Variants in AUTS2 observed in about 807,000 individuals in gnomAD.
AUTS2 encodes the protein autism susceptibility gene 2 protein.
Under a neutral mutation model 112.4 loss-of-function variants are expected in AUTS2, and 17 were observed. The ratio of observed to expected loss-of-function variants is 0.15; its 90% CI spans 0.10 to 0.23. The LOEUF is 0.23. AUTS2 is among the 10% of genes least tolerant of loss of function. AUTS2 has a pLI of 1.00. For missense variants in AUTS2, 1,510 were observed against 1,701.6 expected (o/e 0.89, Z 1.98); for synonymous variants, 751 against 702.7 (o/e 1.07, Z -1.09).
intron 1 of AUTS2, among the ~76,000 whole-genome samples, chr7:69,870,448 A>AATATATATATATATATATATATAT (rs11467258): frequency 0.12 from 9,046 of 77,794 alleles, 1,288 homozygotes; most frequent in Middle Eastern, 0.16. Flanking sequence ...ATGTGTGTGT[A>AATATATATATATATATATATATAT]ATATATATAT....
intron 4 of AUTS2, among the ~76,000 whole-genome samples, chr7:70,249,945 T>G (rs892801316): frequency 3.3e-5 from 5 of 150,154 alleles, no homozygotes; most frequent in African/African-American, 1.2e-4. Context: ...ATTTTTTACT[T>G]AAAACATTAA....
intron 5 of AUTS2, among the ~76,000 whole-genome samples, chr7:70,512,140 T>C (rs1404002614): frequency 6.6e-6 from 1 of 152,172 alleles, no homozygotes; most frequent in African/African-American, 2.4e-5. Context: ...CACGTTGATC[T>C]CAGCTAGGGA....
At chr7:69,816,778 G>A (rs1790781542) in intron 1 of AUTS2, among the ~76,000 whole-genome samples, 3 of 152,168 alleles carry the variant, frequency 2.0e-5, no homozygotes, top group Admixed American at 6.5e-5. Flanking sequence ...TCCAGTAATT[G>A]ACAGAGCCAA....
intron 5 of AUTS2, among the ~76,000 whole-genome samples, chr7:70,661,109 G>A (rs899739939): frequency 3.3e-5 from 5 of 151,662 alleles, no homozygotes; most frequent in African/African-American, 1.2e-4. Context: ...TCCAGAGCCG[G>A]CATTTGAATG....
chr7:70,238,273 A>AC (rs1276076871), intron 4 of AUTS2, among the ~76,000 whole-genome samples: 1 of 152,190 alleles, frequency 6.6e-6, no homozygotes, highest in Non-Finnish European at 1.5e-5. Flanking sequence ...CCCAGGGGCC[A>AC]CCCCCAACAG....
intron 5 of AUTS2, among the ~76,000 whole-genome samples, chr7:70,607,239 T>TAA (rs138336429): frequency 0.32 from 48,366 of 151,898 alleles, 8,190 homozygotes; most frequent in Non-Finnish European, 0.35. Context: ...CAGAAAACCT[T>TAA]AGAGTGTAGT....
At chr7:69,795,775 G>C (rs989626281) in intron 1 of AUTS2, among the ~76,000 whole-genome samples, 3 of 152,210 alleles carry the variant, frequency 2.0e-5, no homozygotes, top group Non-Finnish European at 4.4e-5. Flanking sequence ...CATCCTTGAT[G>C]AGAGGAGAGC....
chr7:70,610,055 G>A (rs1220281371), intron 5 of AUTS2, among the ~76,000 whole-genome samples: 1 of 151,994 alleles, frequency 6.6e-6, no homozygotes, highest in Non-Finnish European at 1.5e-5. Flanking sequence ...GCAGTGGTGC[G>A]ATCTTGGCAT....
chr7:70,088,386 C>A (rs2129566977), intron 2 of AUTS2, among the ~76,000 whole-genome samples: 1 of 152,258 alleles, frequency 6.6e-6, no homozygotes, highest in Admixed American at 6.5e-5. Context: ...CTCAGCCTCC[C>A]AAAGTGCTGG....
rs754540807 is a variant in AUTS2 at position 70,789,757 on chromosome 7, C to G, written c.2541C>G (p.Val847=). 1.7e-5 allele frequency: 27 copies of G among 1,611,660 alleles called. No homozygotes were observed. The highest frequency in any genetic ancestry group is 2.1e-5 in the Non-Finnish European group (25 of 1,178,608). The change falls in exon 19 of 19, where the codon GTC becomes GTG. Residue 847 remains valine, a synonymous_variant. Coordinates refer to ENST00000342771, the MANE Select transcript of AUTS2 (RefSeq NM_015570.4). ...CCCCTCTCTCCCCCAGGGAAAGCGTCGAGAAGAGACACTCCAGCCACCCTT... is the reference window on the plus strand; with the variant it reads ...CCCCTCTCTCCCCCAGGGAAAGCGTGGAGAAGAGACACTCCAGCCACCCTT... The part of the protein sequence containing the change: ...VSKDDKERES[V]EKRHSSHPSP...
At chr7:70,211,294 C>CTTA (rs1206939686) in intron 4 of AUTS2, among the ~76,000 whole-genome samples, 1 of 151,150 alleles carries the variant, frequency 6.6e-6, no homozygotes, top group African/African-American at 2.4e-5. Context: ...TTCTTTCTGT[C>CTTA]TTACTGTAAC....
intron 2 of AUTS2, among the ~76,000 whole-genome samples, chr7:69,919,175 C>T (rs892751380): frequency 6.6e-6 from 1 of 152,122 alleles, no homozygotes; most frequent in Non-Finnish European, 1.5e-5. Flanking sequence ...ATATATTGAA[C>T]ACTTTTACAT....
At chr7:69,787,986 C>T (rs1789453287) in intron 1 of AUTS2, among the ~76,000 whole-genome samples, 2 of 152,176 alleles carry the variant, frequency 1.3e-5, no homozygotes, top group South Asian at 4.2e-4. Context: ...ACTGGCATTC[C>T]TTCCCTCTTG....
chr7:70,205,921 A>G (rs1278149331), intron 4 of AUTS2, among the ~76,000 whole-genome samples: 1 of 152,230 alleles, frequency 6.6e-6, no homozygotes, highest in Non-Finnish European at 1.5e-5. Flanking sequence ...TAGAGGAGGT[A>G]GCAGTTAAGC....
At chr7:70,099,512 T>G (rs1164739036) in intron 2 of AUTS2, among the ~76,000 whole-genome samples, 1 of 151,856 alleles carries the variant, frequency 6.6e-6, no homozygotes, top group Non-Finnish European at 1.5e-5. Flanking sequence ...TTTTTTTTTT[T>G]GGCTCCCTTA....
intron 1 of AUTS2, among the ~76,000 whole-genome samples, chr7:69,676,214 G>A (rs1463825743): frequency 6.6e-6 from 1 of 152,202 alleles, no homozygotes; most frequent in Admixed American, 6.5e-5. Flanking sequence ...TTAGAAGGGA[G>A]ATGAAGCATT....
chr7:70,594,958 G>A (rs563206568), intron 5 of AUTS2, among the ~76,000 whole-genome samples: 2 of 152,234 alleles, frequency 1.3e-5, no homozygotes, highest in East Asian at 1.9e-4. Context: ...AAAATTAGTC[G>A]GGCGTGGTGG....
At chr7:70,643,779 C>T (rs1027411972) in intron 5 of AUTS2, among the ~76,000 whole-genome samples, 2 of 152,190 alleles carry the variant, frequency 1.3e-5, no homozygotes, top group African/African-American at 4.8e-5. Flanking sequence ...CCAACCCTGT[C>T]CAAACCTGTT....
At chr7:70,474,476 A>T (rs915723325) in intron 5 of AUTS2, among the ~76,000 whole-genome samples, 3 of 152,178 alleles carry the variant, frequency 2.0e-5, no homozygotes, top group African/African-American at 7.2e-5. Context: ...AAAACATCCT[A>T]CTTAGTATTT....
Sources: allele counts gnomAD v4.1 joint callset (sites outside exome capture counted in the v4.1 genomes callset), GRCh38; gene constraint gnomAD v4.1.1; transcripts MANE v1.5; gene names NCBI Gene and HGNC (gene_info 2026-07-23, HGNC 2026-07-21).